TMEM63C: variants seen among roughly 807,000 people sequenced by gnomAD.
TMEM63C encodes transmembrane protein 63C.
Under a neutral mutation model 99.2 loss-of-function variants are expected in TMEM63C, and 32 were observed. The observed-to-expected ratio is 0.32, with a 90% CI of 0.24 to 0.43. TMEM63C has a LOEUF of 0.43. TMEM63C is among the 20% of genes least tolerant of loss of function. The pLI is 1.00. For synonymous variants in TMEM63C, 376 were observed against 397.9 expected (o/e 0.94, Z 0.66); for missense variants, 826 against 1,053.0 (o/e 0.78, Z 2.98).
At chr14:77,182,698 G>A (rs544845721) in intron 1 of TMEM63C, among the ~76,000 whole-genome samples, 31 of 152,248 alleles carry the variant, frequency 2.0e-4, no homozygotes, top group Non-Finnish European at 4.1e-4. Flanking sequence ...TGCAACTTCC[G>A]CATGGGGCTC....
chr14:77,243,185 T>G, intron 15 of TMEM63C, 129 bp downstream of exon 15: 1 of 1,134,434 alleles, frequency 8.8e-7, no homozygotes, highest in East Asian at 2.6e-5. Flanking sequence ...ATTGTGGAGG[T>G]GGCCATGGTG....
At chr14:77,216,556 C>T (rs1331333577) in intron 2 of TMEM63C, among the ~76,000 whole-genome samples, 1 of 152,148 alleles carries the variant, frequency 6.6e-6, no homozygotes, top group Non-Finnish European at 1.5e-5. Context: ...CACGCACTCC[C>T]CCTCCACCTC....
intron 23 of TMEM63C, among the ~76,000 whole-genome samples, chr14:77,254,253 G>C (rs1040846382): frequency 6.6e-6 from 1 of 152,214 alleles, no homozygotes; most frequent in Non-Finnish European, 1.5e-5. Flanking sequence ...GGAGTGGGCG[G>C]CAGGGCCCTA....
chr14:77,248,325 T>C lies in TMEM63C; in HGVS notation c.1602-22T>C, dbSNP rs74063865. The stretch of plus-strand genomic sequence containing the variant: ...TCTCCCTGTGGCTTCTGTTGCCACC[T>C]TCCCTCTCCCTCACTGCCCAGGTGT... On this transcript the variant is annotated intron_variant, in intron 18 of 23. Coordinates refer to ENST00000298351, the MANE Select transcript of TMEM63C (RefSeq NM_020431.4). 5,514 of 1,588,366 alleles carry C rather than the reference T, an allele frequency of 3.5e-3. 175 individuals are homozygous for C. In the African/African-American group the frequency reaches 0.066, roughly 19 times the overall value.
chr14:77,194,527 TTC>T (rs1189922746), intron 1 of TMEM63C, among the ~76,000 whole-genome samples: 2,138 of 45,404 alleles, frequency 0.047, 104 homozygotes, highest in African/African-American at 0.17. Context: ...CTTTCTTTCT[TTC>T]TTTCTTTCTT....
intron 18 of TMEM63C, among the ~76,000 whole-genome samples, chr14:77,247,990 G>A (rs1566631235): frequency 6.6e-6 from 1 of 152,114 alleles, no homozygotes; most frequent in East Asian, 1.9e-4. Context: ...TCCCATCCTA[G>A]TTTACAGACC....
At chr14:77,252,939 G>A (rs1369297584) in intron 22 of TMEM63C, among the ~76,000 whole-genome samples, 1 of 152,236 alleles carries the variant, frequency 6.6e-6, no homozygotes, top group Non-Finnish European at 1.5e-5. Flanking sequence ...AGGAACCTAG[G>A]CTGTGTTGGT....
chr14:77,225,333 GCC>G, intron 5 of TMEM63C, 89 bp from the exon 6 acceptor site: 2 of 1,243,684 alleles, frequency 1.6e-6, no homozygotes, highest in South Asian at 1.4e-5. Flanking sequence ...TGCCGCGGCT[GCC>G]TCAGATGACC....
intron 6 of TMEM63C, among the ~76,000 whole-genome samples, chr14:77,230,201 CAAA>C (rs55863810): frequency 7.2e-6 from 1 of 138,504 alleles, no homozygotes. Context: ...GACTCTGTCT[CAAA>C]AAAAAAAAAA....
intron 5 of TMEM63C, among the ~76,000 whole-genome samples, chr14:77,224,493 C>A (rs916076109): frequency 1.3e-5 from 2 of 152,072 alleles, no homozygotes; most frequent in African/African-American, 4.8e-5. Flanking sequence ...CTCTGGGATC[C>A]CAGAAGGAAG....
rs1465074080 is a variant in TMEM63C at position 77,257,593 on chromosome 14, C to T, written c.*867C>T. The T allele has an allele frequency of 2.6e-5, 4 of 152,214 alleles. No homozygotes were observed. Among genetic ancestry groups the T allele is most frequent in the Non-Finnish European group, 5.9e-5 (4 of 68,054 alleles). The allele number at this position is 152,214 out of a possible 1,614,324, so 9.4% of individuals were successfully genotyped here. A position where few individuals can be genotyped will look rare whatever the true frequency, so the allele number is the denominator to read the frequency against. On this transcript the variant is annotated 3_prime_UTR_variant, in exon 24 of 24. Transcript: ENST00000298351. ...TCTGTGTGGTGGGAAACCAGCTATA[C>T]CTCCCCAAGCCCCAGGGCCTAAAGA...
At chr14:77,212,475 G>A (rs775194607) in intron 1 of TMEM63C, among the ~76,000 whole-genome samples, 11 of 152,226 alleles carry the variant, frequency 7.2e-5, no homozygotes, top group Non-Finnish European at 1.3e-4. Context: ...TGTGTTTTCT[G>A]TTGACATCCT....
At chr14:77,254,207 G>T (rs964232413) in intron 23 of TMEM63C, among the ~76,000 whole-genome samples, 1 of 150,524 alleles carries the variant, frequency 6.6e-6, no homozygotes, top group African/African-American at 2.5e-5. Flanking sequence ...CCGGAGCTTG[G>T]GGGACTCAAG....
At chr14:77,253,820 G>C (rs148724812) in intron 23 of TMEM63C, among the ~76,000 whole-genome samples, 1 of 152,212 alleles carries the variant, frequency 6.6e-6, no homozygotes, top group Non-Finnish European at 1.5e-5. Context: ...CGAAATGAGC[G>C]AGCCTGTCTG....
chr14:77,225,076 C>T (rs751630369), intron 5 of TMEM63C, among the ~76,000 whole-genome samples: 2 of 152,162 alleles, frequency 1.3e-5, no homozygotes, highest in Non-Finnish European at 1.5e-5. Context: ...GCCCACTGGA[C>T]CACACGCATC....
chr14:77,251,943 G>A (rs754084514), intron 22 of TMEM63C, 45 bp downstream of exon 22: 1 of 1,462,618 alleles, frequency 6.8e-7, no homozygotes, highest in South Asian at 1.1e-5. Context: ...TTGGTCCCTG[G>A]GGGACACAGC....
At chr14:77,243,836 C>A (rs199932501) in intron 15 of TMEM63C, among the ~76,000 whole-genome samples, 15 of 152,148 alleles carry the variant, frequency 9.9e-5, no homozygotes, top group South Asian at 8.3e-4. Context: ...AGTCAACAGA[C>A]GTGTGCATGC....
chr14:77,183,800 A>T (rs536678864), intron 1 of TMEM63C, among the ~76,000 whole-genome samples: 1 of 152,240 alleles, frequency 6.6e-6, no homozygotes, highest in African/African-American at 2.4e-5. Flanking sequence ...GTGGGAAGGG[A>T]TGGGGTTCCC....
At chr14:77,229,258 G>A (rs7141867) in intron 6 of TMEM63C, among the ~76,000 whole-genome samples, 124,715 of 151,186 alleles carry the variant, frequency 0.82, 51,607 homozygotes, top group African/African-American at 0.9. Flanking sequence ...ACAAAAATTT[G>A]GCTGAGTACA....
Sources: allele counts gnomAD v4.1 joint callset (sites outside exome capture counted in the v4.1 genomes callset), GRCh38; gene constraint gnomAD v4.1.1; transcripts MANE v1.5; gene names NCBI Gene and HGNC (gene_info 2026-07-23, HGNC 2026-07-21).